SLC14A2: variants seen among roughly 807,000 people sequenced by gnomAD.
SLC14A2 encodes solute carrier family 14 member 2, also known as urea transporter 2.
In SLC14A2, 91 loss-of-function variants were observed where a neutral mutation model predicts 104.6. The observed-to-expected ratio is 0.87, with a 90% CI of 0.73 to 1.04. SLC14A2 has a LOEUF of 1.04. Ranked by LOEUF, SLC14A2 falls within the 50% of genes least tolerant of loss-of-function variation. The probability of loss-of-function intolerance (pLI) is 0.00; values close to 1 mark genes in which losing one functional copy is unlikely to be tolerated. For missense variants in SLC14A2, 1,189 were observed against 1,156.0 expected (o/e 1.03, Z -0.41); for synonymous variants, 476 against 466.4 (o/e 1.02, Z -0.27).
At chr18:45,453,514 T>C (rs573234775) in intron 1 of SLC14A2, among the ~76,000 whole-genome samples, 7 of 152,238 alleles carry the variant, frequency 4.6e-5, no homozygotes, top group African/African-American at 4.8e-5. Context: ...TTGAGCCAGA[T>C]TGGAGCCCAT....
upstream of SLC14A2, among the ~76,000 whole-genome samples, chr18:45,212,700 T>TAATC (rs1460480071): frequency 6.6e-6 from 1 of 152,178 alleles, no homozygotes; most frequent in East Asian, 1.9e-4. Context: ...ACCGCATAGG[T>TAATC]AATCATACTC....
chr18:45,243,125 A>T (rs1326258877), intron 1 of SLC14A2, among the ~76,000 whole-genome samples: 1 of 152,238 alleles, frequency 6.6e-6, no homozygotes, highest in Non-Finnish European at 1.5e-5. Context: ...TAAATTTAAT[A>T]TTCAGTTGTA....
chr18:45,569,638 T>C (rs1002855498), intron 2 of SLC14A2, among the ~76,000 whole-genome samples: 2 of 152,204 alleles, frequency 1.3e-5, no homozygotes, highest in African/African-American at 4.8e-5. Flanking sequence ...ATGTGGGTAA[T>C]TAGGTAAGCT....
chr18:45,414,481 T>C (rs1361695009), intron 1 of SLC14A2, among the ~76,000 whole-genome samples: 1 of 152,018 alleles, frequency 6.6e-6, no homozygotes, highest in Non-Finnish European at 1.5e-5. Context: ...CTCATCAGTC[T>C]CTTCTCTCTT....
intron 2 of SLC14A2, among the ~76,000 whole-genome samples, chr18:45,586,792 G>A (rs922161542): frequency 1.2e-4 from 18 of 152,042 alleles, no homozygotes; most frequent in African/African-American, 4.4e-4. Flanking sequence ...GCTGAATGAG[G>A]ATCCCACAGA....
intron 4 of SLC14A2, 89 bp downstream of exon 4, chr18:45,627,236 C>T: frequency 1.7e-6 from 2 of 1,205,338 alleles, no homozygotes; most frequent in Non-Finnish European, 2.4e-6. Context: ...ACCTTACCCT[C>T]CCAGCCAGCC....
At chr18:45,646,423 T>TC (rs1287458473) in intron 10 of SLC14A2, 1 of 152,036 alleles carries the variant, frequency 6.6e-6, no homozygotes, top group African/African-American at 2.4e-5. Context: ...GAGGCAAGGC[T>TC]CCCAAAGTAT....
At chr18:45,417,861 T>C (rs556037090) in intron 1 of SLC14A2, among the ~76,000 whole-genome samples, 1 of 152,322 alleles carries the variant, frequency 6.6e-6, no homozygotes, top group South Asian at 2.1e-4. Flanking sequence ...GAAAGGACTT[T>C]TTTAAGTTCC....
Position 45,669,428 on chromosome 18 carries a change from T to C in SLC14A2, c.2159T>C (p.Phe720Ser). Reference protein sequence around the residue: ...LAATGHYNLFFPTTLLQPASA... With the variant: ...LAATGHYNLFSPTTLLQPASA... The stretch of plus-strand genomic sequence containing the variant: ...GCCACGGGCCACTACAACCTTTTCT[T>C]CCCCACAACGCTGCTGCAGCCTGCA... Residue 720 changes from phenylalanine to serine, a missense_variant, in exon 16 of 20, where the codon TTC becomes TCC. Physicochemically the swap from Phe to Ser is radical, Grantham distance 155. Coordinates refer to ENST00000255226, the MANE Select transcript of SLC14A2 (RefSeq NM_007163.4). The C allele has an allele frequency of 2.5e-6, 4 of 1,614,042 alleles. No homozygotes were observed. The highest frequency in any genetic ancestry group is 2.5e-6 in the Non-Finnish European group (3 of 1,179,982).
the SLC14A2 span, among the ~76,000 whole-genome samples, chr18:45,177,868 A>G: frequency 6.6e-6 from 1 of 152,212 alleles, no homozygotes; most frequent in Non-Finnish European, 1.5e-5. Context: ...GGTAAGCCGA[A>G]GTAAAGATTT....
intron 1 of SLC14A2, among the ~76,000 whole-genome samples, chr18:45,403,456 A>G (rs991220347): frequency 1.3e-5 from 2 of 152,164 alleles, no homozygotes; most frequent in African/African-American, 2.4e-5. Flanking sequence ...AGAGACAACA[A>G]TGGTGCTCCA....
At position 45,682,715 on chromosome 18, in the gene SLC14A2, GT is replaced by G; in HGVS notation, c.*199del. 1.7e-6 allele frequency: 1 copy of G among 583,302 alleles called. No individual in the cohort carries two copies. The highest frequency in any genetic ancestry group is 3.1e-6 in the Non-Finnish European group (1 of 325,058). 36.1% of individuals were successfully genotyped at this position (583,302 alleles called of 1,614,324 possible). On this transcript the variant is annotated 3_prime_UTR_variant, in exon 20 of 20. Coordinates refer to ENST00000255226, the MANE Select transcript of SLC14A2 (RefSeq NM_007163.4). ...ACAACACTTATCAAAGATATGTTTA[GT>G]TTAGACTTTATACCCTTAGCTTTCC... is the stretch of plus-strand genomic sequence containing the variant.
At chr18:45,211,208 T>A (rs1397964139), upstream of SLC14A2, among the ~76,000 whole-genome samples, 1 of 152,190 alleles carries the variant, frequency 6.6e-6, no homozygotes, top group African/African-American at 2.4e-5. Flanking sequence ...AAAGTCAATT[T>A]CTTGACAGCA....
chr18:45,325,238 G>A (rs2085223416), intron 1 of SLC14A2, among the ~76,000 whole-genome samples: 1 of 152,212 alleles, frequency 6.6e-6, no homozygotes. Context: ...AATGGGTGGT[G>A]TCAACGTCAG....
At chr18:45,410,483 C>T (rs1381897622) in intron 1 of SLC14A2, among the ~76,000 whole-genome samples, 2 of 152,008 alleles carry the variant, frequency 1.3e-5, no homozygotes, top group Non-Finnish European at 2.9e-5. Flanking sequence ...TATATAAACT[C>T]TCTCTTAAAA....
chr18:45,379,282 A>G (rs1376388944), intron 1 of SLC14A2, among the ~76,000 whole-genome samples: 2 of 152,212 alleles, frequency 1.3e-5, no homozygotes, highest in East Asian at 3.9e-4. Context: ...TTAAAAAGGC[A>G]ATTCCTATAT....
In SLC14A2 at chr18:45,624,733, A is replaced by G; in HGVS notation, c.69A>G (p.Ala23=). Residue 23 remains alanine, a synonymous_variant, in exon 2 of 20, where the codon GCA becomes GCG. Transcript: ENST00000255226. ...CCAGCAGATACAAACTCTACGAGGC[A>G]GAGTTTACCAGCCCGAGCTGGCCCT... ...PLSSRYKLYE[A]EFTSPSWPST... is the part of the protein sequence containing the mutation. The G allele has an allele frequency of 1.2e-6, 2 of 1,613,676 alleles. No homozygotes were observed. Among genetic ancestry groups the G allele is most frequent in the Non-Finnish European group, 8.5e-7 (1 of 1,179,850 alleles).
chr18:45,586,919 C>G (rs368337842), intron 2 of SLC14A2, among the ~76,000 whole-genome samples: 2 of 151,976 alleles, frequency 1.3e-5, no homozygotes, highest in South Asian at 2.1e-4. Context: ...AATTTAAGAA[C>G]TTATCATAGA....
intron 2 of SLC14A2, among the ~76,000 whole-genome samples, chr18:45,524,982 T>A (rs1357721881): frequency 6.6e-6 from 1 of 152,176 alleles, no homozygotes; most frequent in East Asian, 1.9e-4. Flanking sequence ...GAAGTCAAAT[T>A]TGAAACTACA....
Sources: gnomAD v4.1 joint callset for allele counts (sites outside exome capture counted in the v4.1 genomes callset) on GRCh38, gnomAD v4.1.1 for gene constraint, MANE v1.5 for transcripts, NCBI Gene and HGNC (gene_info 2026-07-23, HGNC 2026-07-21) for gene names.